The following BTBD16 variants were observed in gnomAD, a reference collection of about 807,000 sequenced individuals.
The protein encoded by BTBD16 is BTB domain containing 16.
A neutral mutation model predicts 67.4 loss-of-function variants in BTBD16; 66 were observed. The observed-to-expected ratio is 0.98, with a 90% confidence interval of 0.80 to 1.20. BTBD16 has a LOEUF of 1.20. Ranked by LOEUF, BTBD16 falls within the 50% of genes most tolerant of loss-of-function variation. The probability of loss-of-function intolerance (pLI) is 0.00; values close to 1 mark genes in which losing one functional copy is unlikely to be tolerated. For missense variants in BTBD16, 634 were observed against 616.0 expected (o/e 1.03, Z -0.31); for synonymous variants, 242 against 236.4 (o/e 1.02, Z -0.22).
intron 9 of BTBD16, among the ~76,000 whole-genome samples, chr10:122,300,318 A>G (rs2142081950): frequency 6.6e-6 from 1 of 152,018 alleles, no homozygotes; most frequent in South Asian, 2.1e-4. Flanking sequence ...AATATATGCA[A>G]TAATGCATAG....
At chr10:122,332,557 C>A in intron 13 of BTBD16, 44 bp downstream of exon 13, 2 of 1,579,372 alleles carry the variant, frequency 1.3e-6, no homozygotes, top group Non-Finnish European at 1.7e-6. Flanking sequence ...CTGTTCCTCT[C>A]GTGCTTAGTT....
At chr10:122,320,067 G>A (rs2096432854) in intron 10 of BTBD16, among the ~76,000 whole-genome samples, 2 of 152,096 alleles carry the variant, frequency 1.3e-5, no homozygotes, top group Middle Eastern at 3.4e-3. Context: ...TACAACCTTA[G>A]TAGAACTCAA....
chr10:122,290,284 C>A (rs901185639), intron 6 of BTBD16, among the ~76,000 whole-genome samples: 2 of 152,106 alleles, frequency 1.3e-5, no homozygotes, highest in African/African-American at 2.4e-5. Context: ...CAGAGACGGA[C>A]CAAGCACAAA....
At chr10:122,314,672 G>C (rs1486878706) in intron 10 of BTBD16, among the ~76,000 whole-genome samples, 3 of 152,100 alleles carry the variant, frequency 2.0e-5, no homozygotes, top group Admixed American at 1.3e-4. Context: ...GTTTGGTGCT[G>C]ATATATAGAA....
At chr10:122,322,980 G>A (rs1212487325) in intron 10 of BTBD16, among the ~76,000 whole-genome samples, 2 of 152,134 alleles carry the variant, frequency 1.3e-5, no homozygotes, top group Non-Finnish European at 2.9e-5. Flanking sequence ...TTGCAGCAAG[G>A]GCTGTGTCTT....
chr10:122,333,664 A>G (rs2096458479), intron 13 of BTBD16, among the ~76,000 whole-genome samples: 1 of 152,176 alleles, frequency 6.6e-6, no homozygotes, highest in African/African-American at 2.4e-5. Context: ...CTGTGAAGGG[A>G]GATATAGGGA....
At chr10:122,281,163 T>C (rs1190029407) in intron 3 of BTBD16, among the ~76,000 whole-genome samples, 1 of 152,198 alleles carries the variant, frequency 6.6e-6, no homozygotes, top group Non-Finnish European at 1.5e-5. Flanking sequence ...CTGAGATAAT[T>C]ATCCCTGGCT....
Position 122,331,160 on chromosome 10 carries a change from T to C in BTBD16, c.1004-16T>C, listed in dbSNP as rs540782209. On this transcript the variant is annotated splice_polypyrimidine_tract_variant and intron_variant, in intron 11 of 15. Transcript: ENST00000260723. ...TGAATAAAACTAAAAAACATTCTCT[T>C]TGCGTTTCTTCCCAGGCAAGGATCT... 1.7e-5 allele frequency: 27 copies of C among 1,606,416 alleles called. 1 individual carries two copies. The South Asian group carries it at 2.0e-4, about 12-fold the overall frequency.
chr10:122,272,108 G>A lies in BTBD16; in HGVS notation c.-43+594G>A, dbSNP rs928188473. ...CATCCTGGCTCCTGTGAGGTAAAGG[G>A]ATCAGAAAAGCATGTATGTGTTACC... On this transcript the variant is annotated intron_variant, in intron 1 of 15. Transcript: ENST00000260723. Among the ~76,000 whole-genome samples the A allele has an allele frequency of 4.6e-5, 7 of 152,292 alleles. No homozygotes were observed. In the South Asian group the frequency reaches 1.2e-3, roughly 27 times the overall value.
intron 3 of BTBD16, among the ~76,000 whole-genome samples, chr10:122,280,246 T>A (rs1288280767): frequency 6.6e-6 from 1 of 152,248 alleles, no homozygotes; most frequent in African/African-American, 2.4e-5. Context: ...TAGAAAAGTG[T>A]CTGGCACATA....
At chr10:122,302,205 CT>C (rs1347013568) in intron 9 of BTBD16, among the ~76,000 whole-genome samples, 4 of 152,208 alleles carry the variant, frequency 2.6e-5, no homozygotes, top group African/African-American at 9.7e-5. Flanking sequence ...TCAGCTTTTG[CT>C]TTCCATTTTG....
chr10:122,332,714 T>C, intron 13 of BTBD16: 1 of 745,168 alleles, frequency 1.3e-6, no homozygotes, highest in Non-Finnish European at 1.6e-6. Context: ...GGGCGGGCCA[T>C]TTAATAATTT....
intron 3 of BTBD16, 57 bp downstream of exon 3, chr10:122,276,996 G>A: frequency 3.2e-6 from 5 of 1,578,706 alleles, no homozygotes; most frequent in Non-Finnish European, 4.3e-6. Flanking sequence ...GGGAGGGGAG[G>A]TGCCTGATGA....
In BTBD16 at chr10:122,287,815, T is replaced by C. The variant is rs2096366695; in HGVS notation, c.385+1567T>C. On this transcript the variant is annotated intron_variant, in intron 5 of 15. Coordinates refer to ENST00000260723, the MANE Select transcript of BTBD16 (RefSeq NM_144587.5). Reference sequence around the variant, plus strand: ...ATGGAGACTGGAGGAGCAGCTGTCCTGGAGAGGACGTGTTTATTCTCTAGC... The same window carrying C: ...ATGGAGACTGGAGGAGCAGCTGTCCCGGAGAGGACGTGTTTATTCTCTAGC... Among the ~76,000 whole-genome samples the C allele has an allele frequency of 3.3e-5, 5 of 152,334 alleles. 1 individual carries two copies. The South Asian group carries it at 1.0e-3, about 32-fold the overall frequency.
chr10:122,307,222 A>C lies in BTBD16; in HGVS notation c.825A>C (p.Lys275Asn), dbSNP rs760699238. The C allele has an allele frequency of 1.9e-6, 3 of 1,610,230 alleles. No homozygotes were observed. Among genetic ancestry groups the C allele is most frequent in the East Asian group, 4.5e-5 (2 of 44,724 alleles). The part of the protein sequence containing the change: ...LFTFSEFHLL[K>N]TMLLWVFLQL... Reference sequence around the variant, plus strand: ...CCTTTAGTGAATTCCATCTTCTGAAAACAATGCTTTTGTGGGTCTTCTTGC... The same window carrying C: ...CCTTTAGTGAATTCCATCTTCTGAACACAATGCTTTTGTGGGTCTTCTTGC... The change falls in exon 10 of 16, where the codon AAA becomes AAC. Residue 275 changes from lysine (K) to asparagine (N), a missense_variant. Coordinates refer to ENST00000260723, the MANE Select transcript of BTBD16 (RefSeq NM_144587.5).
intron 3 of BTBD16, among the ~76,000 whole-genome samples, chr10:122,283,255 A>C (rs1168074242): frequency 6.6e-6 from 1 of 152,246 alleles, no homozygotes; most frequent in East Asian, 1.9e-4. Context: ...GGCTATAGCA[A>C]GAACAGCAAA....
chr10:122,336,769 A>C (rs1590106626), intron 15 of BTBD16, 87 bp downstream of exon 15: 1 of 1,223,284 alleles, frequency 8.2e-7, no homozygotes, highest in Non-Finnish European at 1.1e-6. Context: ...TCTAATCTCC[A>C]GTGCTCTACA....
intron 11 of BTBD16, among the ~76,000 whole-genome samples, chr10:122,329,778 C>T (rs1332939156): frequency 6.6e-6 from 1 of 152,206 alleles, no homozygotes; most frequent in Non-Finnish European, 1.5e-5. Flanking sequence ...GTAATCTGAG[C>T]TCTGATGAAA....
intron 7 of BTBD16, among the ~76,000 whole-genome samples, chr10:122,292,130 G>A (rs2096375284): frequency 6.6e-6 from 1 of 152,150 alleles, no homozygotes; most frequent in African/African-American, 2.4e-5. Context: ...AAGTAACCTG[G>A]GTCCGTGCAG....
Sources: gnomAD v4.1 joint callset for allele counts (sites outside exome capture counted in the v4.1 genomes callset) on GRCh38, gnomAD v4.1.1 for gene constraint, MANE v1.5 for transcripts, NCBI Gene and HGNC (gene_info 2026-07-23, HGNC 2026-07-21) for gene names.